DMD: variants seen among roughly 807,000 people sequenced by gnomAD.
DMD encodes mutant dystrophin.
A neutral mutation model predicts 330.1 loss-of-function variants in DMD; 63 were observed. The ratio of observed to expected loss-of-function variants is 0.19; its 90% CI spans 0.16 to 0.24. The LOEUF (loss-of-function observed/expected upper bound fraction) is 0.24, where lower values mean the gene tolerates loss of function less well. Ranked by LOEUF, DMD falls within the 10% of genes least tolerant of loss-of-function variation. DMD has a pLI of 1.00. For synonymous variants in DMD, 1,223 were observed against 959.8 expected (o/e 1.27, Z -5.07); for missense variants, 3,344 against 2,684.1 (o/e 1.25, Z -5.43).
intron 29 of DMD, among the ~76,000 whole-genome samples, chrX:32,418,708 AT>A (rs2098176155): frequency 9.0e-6 from 1 of 110,961 alleles, no homozygotes; most frequent in Non-Finnish European, 1.9e-5. Context: ...GGTTCTTACA[AT>A]TTTTAGTTGT....
intron 51 of DMD, among the ~76,000 whole-genome samples, chrX:31,737,263 G>A (rs1285928343): frequency 8.9e-6 from 1 of 112,124 alleles, no homozygotes; most frequent in Non-Finnish European, 1.9e-5. Context: ...TATAATATAA[G>A]GTAGCTATAT....
chrX:31,781,012 A>C (rs2090981755), intron 50 of DMD, among the ~76,000 whole-genome samples: 2 of 112,152 alleles, frequency 1.8e-5, no homozygotes, highest in Admixed American at 9.5e-5. Flanking sequence ...ATTTGCTTAC[A>C]TTTTAATAGA....
At chrX:32,269,293 A>G (rs1178808044) in intron 43 of DMD, among the ~76,000 whole-genome samples, 1 of 111,499 alleles carries the variant, frequency 9.0e-6, no homozygotes, top group African/African-American at 3.3e-5. Flanking sequence ...AATTGGGGAG[A>G]AGGTATATAA....
intron 44 of DMD, among the ~76,000 whole-genome samples, chrX:32,193,679 G>A (rs2096985954): frequency 9.0e-6 from 1 of 111,611 alleles, no homozygotes; most frequent in Non-Finnish European, 1.9e-5. Flanking sequence ...ATCACAATAG[G>A]CCCTTCGATT....
chrX:31,214,547 C>T (rs1255877915), intron 64 of DMD, among the ~76,000 whole-genome samples: 1 of 111,924 alleles, frequency 8.9e-6, no homozygotes, highest in Non-Finnish European at 1.9e-5. Context: ...ACACTTACAT[C>T]GGCCTACAGT....
chrX:32,987,917 G>T (rs73188369), intron 2 of DMD, among the ~76,000 whole-genome samples: 3,333 of 107,335 alleles, frequency 0.031, 73 homozygotes, highest in South Asian at 0.15. Context: ...TGATGAAAAT[G>T]GTAAAAATTA....
intron 7 of DMD, among the ~76,000 whole-genome samples, chrX:32,797,991 T>C (rs1022688148): frequency 3.6e-5 from 4 of 111,823 alleles, no homozygotes; most frequent in African/African-American, 1.3e-4. Context: ...AGTAAGAAAC[T>C]CTTACTTAAC....
At chrX:32,751,234 T>C (rs2070771010) in intron 7 of DMD, among the ~76,000 whole-genome samples, 1 of 110,559 alleles carries the variant, frequency 9.0e-6, no homozygotes, top group South Asian at 3.8e-4. Flanking sequence ...GACAGGAAAA[T>C]GTGGGAAAGT....
At chrX:33,315,408 G>A (rs181134043) in intron 1 of DMD, among the ~76,000 whole-genome samples, 2 of 111,899 alleles carry the variant, frequency 1.8e-5, no homozygotes, top group Non-Finnish European at 3.8e-5. Context: ...GGAGAGGCTG[G>A]AGATGACTAA....
At chrX:32,023,013 A>G (rs1427309169) in intron 44 of DMD, among the ~76,000 whole-genome samples, 1 of 109,506 alleles carries the variant, frequency 9.1e-6, no homozygotes, top group Non-Finnish European at 1.9e-5. Context: ...TACTATTTTT[A>G]GTAAAGACGG....
In DMD at chrX:32,997,367, T is replaced by C. The variant is rs147104703; in HGVS notation, c.93+22772A>G. On this transcript the variant is annotated intron_variant, in intron 2 of 78. Transcript: ENST00000357033. Reference sequence around the variant, plus strand: ...TTCAATCAATTCTCCTGCCTCGGTCTCCTGAATAGCTGGGATTACAGGCAC... The same window carrying C: ...TTCAATCAATTCTCCTGCCTCGGTCCCCTGAATAGCTGGGATTACAGGCAC... Among the ~76,000 whole-genome samples the C allele has an allele frequency of 0.019, 2,061 of 110,057 alleles. 94 individuals are homozygous for C. The East Asian group carries it at 0.19, about 10-fold the overall frequency.
At chrX:32,321,799 G>A (rs974268275) in intron 41 of DMD, among the ~76,000 whole-genome samples, 1 of 111,608 alleles carries the variant, frequency 9.0e-6, no homozygotes, top group African/African-American at 3.3e-5. Context: ...AGAAAATAAA[G>A]CAAAGGCTTT....
At chrX:33,282,538 G>A (rs1428582813) in intron 1 of DMD, among the ~76,000 whole-genome samples, 1 of 111,510 alleles carries the variant, frequency 9.0e-6, no homozygotes, top group African/African-American at 3.3e-5. Flanking sequence ...GTGAGAGTGA[G>A]TGAGAGTGTC....
intron 2 of DMD, among the ~76,000 whole-genome samples, chrX:32,943,588 T>A (rs980511700): frequency 3.6e-5 from 4 of 111,349 alleles, no homozygotes; most frequent in African/African-American, 1.3e-4. Flanking sequence ...TGGTGTTGTT[T>A]CCATTTTTCA....
chrX:32,072,506 G>A (rs1322654516), intron 44 of DMD, among the ~76,000 whole-genome samples: 1 of 110,970 alleles, frequency 9.0e-6, no homozygotes, highest in Non-Finnish European at 1.9e-5. Context: ...CTTGACTAAC[G>A]AATTCCTTGA....
chrX:32,628,295 T>A (rs2525059), intron 11 of DMD, among the ~76,000 whole-genome samples: 10 of 66,558 alleles, frequency 1.5e-4, no homozygotes, highest in South Asian at 7.5e-4. Flanking sequence ...TTTTTTTTTT[T>A]AAGCTCTCAC....
chrX:33,081,818 T>C (rs1193333528), intron 1 of DMD, among the ~76,000 whole-genome samples: 1 of 111,835 alleles, frequency 8.9e-6, no homozygotes, highest in Non-Finnish European at 1.9e-5. Flanking sequence ...TATTACACAC[T>C]AAAGCTCCCT....
chrX:33,298,211 G>A (rs913710336), intron 1 of DMD, among the ~76,000 whole-genome samples: 6 of 110,879 alleles, frequency 5.4e-5, no homozygotes, highest in African/African-American at 2.0e-4. Flanking sequence ...TTCTCTTACC[G>A]TAAGAGGAAA....
At chrX:32,653,418 C>A (rs2060313654) in intron 9 of DMD, among the ~76,000 whole-genome samples, 1 of 111,786 alleles carries the variant, frequency 8.9e-6, no homozygotes, top group Middle Eastern at 4.2e-3. Flanking sequence ...ATAGGGAATC[C>A]TTTCCCCATT....
Sources: allele counts gnomAD v4.1 joint callset (sites outside exome capture counted in the v4.1 genomes callset), GRCh38; gene constraint gnomAD v4.1.1; transcripts MANE v1.5; gene names NCBI Gene and HGNC (gene_info 2026-07-23, HGNC 2026-07-21).